EVA1C: variants seen among roughly 807,000 people sequenced by gnomAD.
EVA1C encodes the protein eva-1 homolog C.
In EVA1C, 25 loss-of-function variants were observed where a neutral mutation model predicts 45.4. The ratio of observed to expected loss-of-function variants is 0.55; its 90% CI spans 0.40 to 0.77. The LOEUF (loss-of-function observed/expected upper bound fraction) is 0.77. EVA1C is among the 30% of genes least tolerant of loss of function. EVA1C has a pLI of 0.00. For synonymous variants in EVA1C, 190 were observed against 221.2 expected (o/e 0.86, Z 1.25); for missense variants, 479 against 554.8 (o/e 0.86, Z 1.37).
intron 4 of EVA1C, among the ~76,000 whole-genome samples, chr21:32,477,280 A>T (rs897286519): frequency 2.6e-5 from 4 of 151,714 alleles, no homozygotes; most frequent in African/African-American, 7.3e-5. Context: ...GGTCCCCCCA[A>T]CTCGTGCTCA....
rs192973122 is a variant in EVA1C, at chr21:32,474,522, C to G, written c.634+6674C>G. On this transcript the variant is annotated intron_variant, in intron 4 of 7. Transcript: ENST00000300255. This position sits in a 1 kb window ranked among gnomAD's most constrained non-coding sequence, Gnocchi z 4.4. ...AGCATGGCACCTCGTCCCTGCAGTC[C>G]CTCTCTGGCGACCCTTTTGTTGGAC... 1.0e-3 allele frequency among the ~76,000 whole-genome samples: 152 copies of G among 152,294 alleles called. No individual in the cohort carries two copies. Among genetic ancestry groups the G allele is most frequent in the African/African-American group, 3.5e-3 (145 of 41,554 alleles).
intron 1 of EVA1C, among the ~76,000 whole-genome samples, chr21:32,421,936 T>C (rs1485833950): frequency 6.7e-6 from 1 of 150,142 alleles, no homozygotes; most frequent in African/African-American, 2.5e-5. Context: ...TCCCAGCTAG[T>C]TGGAAGGCTG....
At position 32,515,163 on chromosome 21, in the gene EVA1C, C is replaced by T; in HGVS notation, c.1299C>T (p.Leu433=). 2 of 1,596,672 alleles carry T rather than the reference C, an allele frequency of 1.3e-6. No individual in the cohort carries two copies. Among genetic ancestry groups the T allele is most frequent in the Non-Finnish European group, 8.6e-7 (1 of 1,168,248 alleles). The stretch of plus-strand genomic sequence containing the variant: ...TGAACAGTGGTTTGGACACCTCGCT[C>T]CCAAGAAACATGGGCCAGTTCTACT... ...IWMNSGLDTS[L]PRNMGQFY The change falls in exon 8 of 8, where the codon CTC becomes CTT. Residue 433 remains leucine, a synonymous_variant. Transcript: ENST00000300255.
At chr21:32,448,241 G>A (rs561747707) in intron 1 of EVA1C, among the ~76,000 whole-genome samples, 13 of 152,282 alleles carry the variant, frequency 8.5e-5, no homozygotes, top group African/African-American at 1.7e-4. Context: ...GCCCATCCTC[G>A]TGGGACTGAG....
chr21:32,510,841 C>T (rs2037922279), intron 7 of EVA1C, among the ~76,000 whole-genome samples: 1 of 152,042 alleles, frequency 6.6e-6, no homozygotes. Flanking sequence ...TTAAGACCAG[C>T]CCGGGCAACA....
At chr21:32,478,880 G>C (rs2036676845) in intron 4 of EVA1C, among the ~76,000 whole-genome samples, 2 of 152,216 alleles carry the variant, frequency 1.3e-5, no homozygotes, top group South Asian at 4.1e-4. Context: ...CTCAAAGGCT[G>C]GGCTAAGGCC....
chr21:32,462,257 C>T (rs549464870), intron 3 of EVA1C, among the ~76,000 whole-genome samples: 1 of 149,922 alleles, frequency 6.7e-6, no homozygotes, highest in East Asian at 2.0e-4. Flanking sequence ...AGCAGGGCAT[C>T]ATGGCAGGCA....
At chr21:32,465,602 T>C (rs1254898339) in intron 3 of EVA1C, among the ~76,000 whole-genome samples, 1 of 152,198 alleles carries the variant, frequency 6.6e-6, no homozygotes, top group African/African-American at 2.4e-5. Flanking sequence ...TGGTCCCCTT[T>C]ATATTTTGCT....
chr21:32,424,690 C>T (rs1256876200), intron 1 of EVA1C, among the ~76,000 whole-genome samples: 1 of 152,198 alleles, frequency 6.6e-6, no homozygotes, highest in East Asian at 1.9e-4. Context: ...TGCTGTGGTC[C>T]CGCTCTGTGG....
chr21:32,450,004 T>C (rs2035520416), intron 1 of EVA1C, among the ~76,000 whole-genome samples: 1 of 152,188 alleles, frequency 6.6e-6, no homozygotes, highest in African/African-American at 2.4e-5. Context: ...ACTTGGAATG[T>C]GCTAGGACTG....
intron 5 of EVA1C, chr21:32,497,398 T>C (rs1041747385): frequency 2.8e-5 from 10 of 353,120 alleles, no homozygotes; most frequent in African/African-American, 2.1e-4. Context: ...CTTCTCCCCA[T>C]TTAGTTATTC....
At chr21:32,432,330 G>A (rs890993643) in intron 1 of EVA1C, among the ~76,000 whole-genome samples, 3 of 152,066 alleles carry the variant, frequency 2.0e-5, no homozygotes, top group African/African-American at 7.2e-5. Flanking sequence ...CTGATTAACT[G>A]ATCATCTTCC....
At chr21:32,495,707 A>T (rs1344161703) in intron 5 of EVA1C, among the ~76,000 whole-genome samples, 1 of 152,216 alleles carries the variant, frequency 6.6e-6, no homozygotes, top group Non-Finnish European at 1.5e-5. Flanking sequence ...TGTTTTCCTG[A>T]TGTCTTTAAA....
intron 4 of EVA1C, among the ~76,000 whole-genome samples, chr21:32,488,233 A>G (rs1312753120): frequency 6.6e-6 from 1 of 152,164 alleles, no homozygotes; most frequent in Non-Finnish European, 1.5e-5. Context: ...TTCTCCAAGA[A>G]AGACATAAAA....
chr21:32,490,670 T>C (rs1268304697), intron 4 of EVA1C, among the ~76,000 whole-genome samples: 3 of 152,250 alleles, frequency 2.0e-5, no homozygotes, highest in African/African-American at 7.2e-5. Context: ...ACTATGAACA[T>C]GGATGTGAAG....
At chr21:32,469,627 G>A (rs982817291) in intron 4 of EVA1C, among the ~76,000 whole-genome samples, 3 of 152,214 alleles carry the variant, frequency 2.0e-5, no homozygotes, top group African/African-American at 7.2e-5. Flanking sequence ...CAGGGTGGTA[G>A]GGGCTGGCAA....
chr21:32,462,393 CTAAA>C (rs2036030623), intron 3 of EVA1C, among the ~76,000 whole-genome samples: 1 of 152,088 alleles, frequency 6.6e-6, no homozygotes, highest in Non-Finnish European at 1.5e-5. Flanking sequence ...GATTTATTTA[CTAAA>C]TAAAGAAATA....
At chr21:32,440,890 C>T (rs1262573167) in intron 1 of EVA1C, among the ~76,000 whole-genome samples, 1 of 152,130 alleles carries the variant, frequency 6.6e-6, no homozygotes, top group Admixed American at 6.6e-5. Flanking sequence ...CACCTGAGGT[C>T]GGAAGTTTGA....
At chr21:32,429,759 T>G (rs2034628358) in intron 1 of EVA1C, among the ~76,000 whole-genome samples, 1 of 152,200 alleles carries the variant, frequency 6.6e-6, no homozygotes, top group Non-Finnish European at 1.5e-5. Context: ...AATCCACATG[T>G]GTAATATTAA....
Sources: allele counts gnomAD v4.1 joint callset (sites outside exome capture counted in the v4.1 genomes callset), GRCh38; gene constraint gnomAD v4.1.1; non-coding constraint Gnocchi (gnomAD v3.1); transcripts MANE v1.5; gene names NCBI Gene and HGNC (gene_info 2026-07-23, HGNC 2026-07-21).